The following USH2A variants were observed in gnomAD, a reference collection of about 807,000 sequenced individuals.
USH2A encodes the protein Usher syndrome 2A (autosomal recessive, mild).
In USH2A, 443 loss-of-function variants were observed where a neutral mutation model predicts 538.9. The ratio of observed to expected loss-of-function variants is 0.82; its 90% CI spans 0.76 to 0.89. USH2A has a LOEUF of 0.89. Among genes scored for constraint, USH2A ranks in the 40% least tolerant of loss-of-function variants. The pLI is 0.00. For synonymous variants in USH2A, 2,413 were observed against 2,273.5 expected (o/e 1.06, Z -1.75); for missense variants, 6,633 against 6,324.8 (o/e 1.05, Z -1.65).
intron 20 of USH2A, among the ~76,000 whole-genome samples, chr1:216,183,285 G>T (rs368418546): frequency 1.3e-5 from 2 of 151,622 alleles, no homozygotes; most frequent in Non-Finnish European, 2.9e-5. Flanking sequence ...AACAAGCACC[G>T]ATTTGGTTCT....
At chr1:216,024,226 C>G (rs1668910917) in intron 32 of USH2A, among the ~76,000 whole-genome samples, 2 of 151,990 alleles carry the variant, frequency 1.3e-5, no homozygotes, top group African/African-American at 4.8e-5. Context: ...GAGCTGAGCG[C>G]CAGTTTAGAG....
At chr1:216,098,170 A>G (rs1180962038) in intron 21 of USH2A, among the ~76,000 whole-genome samples, 1 of 152,124 alleles carries the variant, frequency 6.6e-6, no homozygotes, top group Non-Finnish European at 1.5e-5. Flanking sequence ...CACTCTACTC[A>G]GTATCCCACG....
At chr1:215,682,785 T>A (rs972144277) in intron 61 of USH2A, among the ~76,000 whole-genome samples, 5 of 151,946 alleles carry the variant, frequency 3.3e-5, no homozygotes, top group African/African-American at 1.2e-4. Flanking sequence ...TAACCACATG[T>A]TGGGATGTAA....
chr1:216,014,779 C>T (rs1217734032), intron 32 of USH2A, among the ~76,000 whole-genome samples: 1 of 152,148 alleles, frequency 6.6e-6, no homozygotes, highest in African/African-American at 2.4e-5. Context: ...GAAACCTTAC[C>T]GATTACTGTC....
At chr1:216,418,793 TG>T (rs2102784316) in intron 2 of USH2A, 114 bp from the exon 3 acceptor site, 1 of 1,090,606 alleles carries the variant, frequency 9.2e-7, no homozygotes. Flanking sequence ...CTCAAAATGG[TG>T]TACTATGAAT....
At chr1:215,947,684 T>C (rs987091092) in intron 37 of USH2A, among the ~76,000 whole-genome samples, 28 of 152,114 alleles carry the variant, frequency 1.8e-4, no homozygotes, top group African/African-American at 6.5e-4. Context: ...CAAGAAGGAG[T>C]GCGTTGATTT....
chr1:216,349,361 C>A (rs1369234735), intron 4 of USH2A, among the ~76,000 whole-genome samples: 1 of 152,036 alleles, frequency 6.6e-6, no homozygotes, highest in African/African-American at 2.4e-5. Flanking sequence ...TGAACCAGAG[C>A]AACTCCATCT....
In USH2A at chr1:215,671,040, T is replaced by C. The variant is rs375971791; in HGVS notation, c.14065A>G (p.Ile4689Val). 11 of 1,614,062 alleles carry C rather than the reference T, an allele frequency of 6.8e-6. No individual in the cohort carries two copies. The Middle Eastern group carries it at 8.2e-4, about 121-fold the overall frequency. ...AAAGATGTTGAGCTTCCGTTATAGATTAGGACTGGATTGGATTTTCTAGGC... is the reference window on the plus strand; with the variant it reads ...AAAGATGTTGAGCTTCCGTTATAGACTAGGACTGGATTGGATTTTCTAGGC... ...TQPRKSNPVL[I>V]YNGSSTSFID... is the part of the protein sequence containing the mutation. The change falls in exon 64 of 72, where the codon ATC becomes GTC. Residue 4689 changes from isoleucine to valine, a missense_variant. Coordinates refer to ENST00000307340, the MANE Select transcript of USH2A (RefSeq NM_206933.4).
At chr1:216,080,339 C>T (rs983145142) in intron 26 of USH2A, among the ~76,000 whole-genome samples, 1 of 151,638 alleles carries the variant, frequency 6.6e-6, no homozygotes, top group Non-Finnish European at 1.5e-5. Flanking sequence ...TCAGGAGAAA[C>T]TAGTATTTTG....
chr1:215,658,144 C>A (rs995255375), intron 64 of USH2A, among the ~76,000 whole-genome samples: 2 of 151,892 alleles, frequency 1.3e-5, no homozygotes, highest in African/African-American at 4.8e-5. Flanking sequence ...ACCATCTTAG[C>A]CAGGATGGTC....
intron 40 of USH2A, 55 bp from the exon 41 acceptor site, chr1:215,889,109 C>A: frequency 6.3e-7 from 1 of 1,596,992 alleles, no homozygotes; most frequent in South Asian, 1.1e-5. Flanking sequence ...TCCCACCTCT[C>A]CTCAAAGCTA....
chr1:216,220,810 T>C (rs533798565), intron 14 of USH2A, among the ~76,000 whole-genome samples: 1 of 152,068 alleles, frequency 6.6e-6, no homozygotes, highest in East Asian at 1.9e-4. Context: ...GGAGGCCGAA[T>C]TGAAAAGAGA....
At chr1:216,055,865 T>G (rs545298590) in intron 30 of USH2A, among the ~76,000 whole-genome samples, 4 of 152,360 alleles carry the variant, frequency 2.6e-5, no homozygotes, top group African/African-American at 9.6e-5. Flanking sequence ...TCAAAACTAA[T>G]TTTTCTTACA....
chr1:215,836,494 AT>A (rs1663507025), intron 47 of USH2A, among the ~76,000 whole-genome samples: 1 of 17,798 alleles, frequency 5.6e-5, no homozygotes, highest in Admixed American at 1.6e-3. Context: ...TATATTATAT[AT>A]ATAATATATA....
At position 215,927,764 on chromosome 1, in the gene USH2A, A is replaced by C. The variant is rs1290395643; in HGVS notation, c.7300+6852T>G. Reference sequence around the variant, plus strand: ...GCCTGCACATGTACCCCTAAACATAATATAAAAGATGGAATTATTTAAAAA... The same window carrying C: ...GCCTGCACATGTACCCCTAAACATACTATAAAAGATGGAATTATTTAAAAA... On this transcript the variant is annotated intron_variant, in intron 38 of 71. Transcript: ENST00000307340. Among the ~76,000 whole-genome samples, 4 of 152,096 alleles carry C rather than the reference A, an allele frequency of 2.6e-5. No homozygotes were observed. In the East Asian group the frequency reaches 7.7e-4, roughly 29 times the overall value.
Position 215,636,130 on chromosome 1 carries a change from G to A in USH2A, c.15053-1427C>T, listed in dbSNP as rs540748027. 3.9e-5 allele frequency among the ~76,000 whole-genome samples: 6 copies of A among 152,158 alleles called. No homozygotes were observed. The South Asian group carries it at 1.0e-3, about 26-fold the overall frequency. On this transcript the variant is annotated intron_variant, in intron 69 of 71. Transcript: ENST00000307340. The stretch of plus-strand genomic sequence containing the variant: ...TCTAATACCCACAGCCAGGTCAGAA[G>A]AACAAGCAGACACAACTGCAAAGCC...
At chr1:216,095,495 T>C (rs917164626) in intron 22 of USH2A, among the ~76,000 whole-genome samples, 2 of 152,234 alleles carry the variant, frequency 1.3e-5, no homozygotes, top group African/African-American at 2.4e-5. Flanking sequence ...TCCCTCTGGC[T>C]GCAGGATCTG....
chr1:216,222,576 A>C (rs1417658658), intron 14 of USH2A, among the ~76,000 whole-genome samples: 1 of 152,196 alleles, frequency 6.6e-6, no homozygotes, highest in Non-Finnish European at 1.5e-5. Context: ...CGGTCCTTAT[A>C]AAGGAAGGCA....
At chr1:216,324,862 C>G (rs183902846) in intron 6 of USH2A, among the ~76,000 whole-genome samples, 1 of 152,098 alleles carries the variant, frequency 6.6e-6, no homozygotes, top group East Asian at 1.9e-4. Context: ...GAATTGTGTT[C>G]CCAAATAGAT....
Sources: allele counts gnomAD v4.1 joint callset (sites outside exome capture counted in the v4.1 genomes callset), GRCh38; gene constraint gnomAD v4.1.1; transcripts MANE v1.5; gene names NCBI Gene and HGNC (gene_info 2026-07-23, HGNC 2026-07-21).